FBLN1: variants seen among roughly 807,000 people sequenced by gnomAD.
FBLN1 encodes fibulin 1.
In FBLN1, 34 loss-of-function variants were observed where a neutral mutation model predicts 89.7. The observed-to-expected ratio is 0.38, with a 90% CI of 0.29 to 0.50. The LOEUF (loss-of-function observed/expected upper bound fraction) is 0.50, where lower values mean the gene tolerates loss of function less well. Among genes scored for constraint, FBLN1 ranks in the 20% least tolerant of loss-of-function variants. FBLN1 has a pLI of 0.92. For missense variants in FBLN1, 777 were observed against 988.1 expected (o/e 0.79, Z 2.86); for synonymous variants, 393 against 391.3 (o/e 1.00, Z -0.05).
intron 14 of FBLN1, among the ~76,000 whole-genome samples, chr22:45,555,292 A>ATATATAT (rs1569254431): frequency 4.4e-4 from 62 of 141,774 alleles, no homozygotes; most frequent in African/African-American, 1.6e-3. Context: ...TATATATATA[A>ATATATAT]AATGGAATAT....
intron 4 of FBLN1, among the ~76,000 whole-genome samples, chr22:45,529,606 C>T: frequency 6.6e-6 from 1 of 152,226 alleles, no homozygotes; most frequent in East Asian, 1.9e-4. Context: ...TGGCTCACGC[C>T]TGTAATCCCA....
intron 10 of FBLN1, 97 bp from the exon 11 acceptor site, chr22:45,543,304 T>G (rs1602193074): frequency 1.4e-6 from 2 of 1,438,686 alleles, no homozygotes; most frequent in South Asian, 1.2e-5. Context: ...CTGGAGGAGG[T>G]GGAGGACAAA....
intron 16 of FBLN1, among the ~76,000 whole-genome samples, chr22:45,592,171 C>T (rs1473275641): frequency 6.6e-6 from 1 of 152,138 alleles, no homozygotes; most frequent in African/African-American, 2.4e-5. Flanking sequence ...GGAGGGCGAC[C>T]GTGTCTCATC....
chr22:45,548,078 C>T (rs1488008267), intron 12 of FBLN1, among the ~76,000 whole-genome samples: 2 of 152,120 alleles, frequency 1.3e-5, no homozygotes, highest in East Asian at 3.9e-4. Context: ...GAGACAGAGA[C>T]AGCTCTGTCA....
chr22:45,529,527 T>C (rs1251339335), intron 4 of FBLN1, among the ~76,000 whole-genome samples: 1 of 152,156 alleles, frequency 6.6e-6, no homozygotes, highest in Non-Finnish European at 1.5e-5. Flanking sequence ...GTTTTCGGCC[T>C]GTTCCCTCCT....
Position 45,556,060 on chromosome 22 carries a change from A to AT in FBLN1, c.1697+5449dup, listed in dbSNP as rs1419819330. Reference sequence around the variant, plus strand: ...GCCGAGGCTGAAGTGTGGTGGTGTGATTTTGTCTCACCGCAACCTCCACGT... The same window carrying AT: ...GCCGAGGCTGAAGTGTGGTGGTGTGATTTTTGTCTCACCGCAACCTCCACGT... On this transcript the variant is annotated intron_variant, in intron 14 of 16. Coordinates refer to ENST00000327858, the MANE Select transcript of FBLN1 (RefSeq NM_006486.3). The surrounding 1 kb of genome is among the most constrained non-coding windows in gnomAD (Gnocchi z 4.6). Among the ~76,000 whole-genome samples the AT allele has an allele frequency of 6.6e-6, 1 of 152,078 alleles. No homozygotes were observed. The highest frequency in any genetic ancestry group is 2.4e-5 in the African/African-American group (1 of 41,388).
rs2089104609 is a variant in FBLN1 at position 45,588,166 on chromosome 22, C to G, written c.1972+11058C>G. 6.6e-6 allele frequency among the ~76,000 whole-genome samples: 1 copy of G among 152,190 alleles called. No individual in the cohort carries two copies. Among genetic ancestry groups the G allele is most frequent in the African/African-American group, 2.4e-5 (1 of 41,530 alleles). On this transcript the variant is annotated intron_variant, in intron 16 of 16. Transcript: ENST00000327858. This position sits in a 1 kb window ranked among gnomAD's most constrained non-coding sequence, Gnocchi z 5.1. ...GGAGGCGGGGTGCAGCATGGCGGTA[C>G]AGCTTTAAATCTGGTGGTCAGTGAC... is the stretch of plus-strand genomic sequence containing the variant.
chr22:45,541,114 T>C, intron 8 of FBLN1, 115 bp from the exon 9 acceptor site: 1 of 1,368,302 alleles, frequency 7.3e-7, no homozygotes. Context: ...GTTGAGCCCC[T>C]CCATTTGTGG....
intron 16 of FBLN1, among the ~76,000 whole-genome samples, chr22:45,586,238 C>T (rs550434741): frequency 5.6e-4 from 85 of 152,318 alleles, no homozygotes; most frequent in African/African-American, 8.4e-4. Flanking sequence ...ACTGCACACC[C>T]GAGATTGGTT....
In FBLN1 at chr22:45,577,113, G is replaced by C. The variant is rs752200599; in HGVS notation, c.1972+5G>C. ...ACATGGACGGCATGACCGTGGGTGA[G>C]TGGCTGGGAATATCAGCTCTATCCA... On this transcript the variant is annotated splice_donor_5th_base_variant and intron_variant, in intron 16 of 16. Transcript: ENST00000327858. The surrounding 1 kb of genome is among the most constrained non-coding windows in gnomAD (Gnocchi z 6.6). 7 of 1,613,954 alleles carry C rather than the reference G, an allele frequency of 4.3e-6. No individual in the cohort carries two copies. The highest frequency in any genetic ancestry group is 5.9e-6 in the Non-Finnish European group (7 of 1,180,022).
Position 45,548,733 on chromosome 22 carries a change from G to A in FBLN1, c.1562G>A (p.Arg521His), listed in dbSNP as rs865892045. The A allele has an allele frequency of 6.2e-6, 10 of 1,613,178 alleles. No homozygotes were observed. Among genetic ancestry groups the A allele is most frequent in the African/African-American group, 1.3e-5 (1 of 75,056 alleles). Reference protein sequence around the residue: ...SSGYRLAPNGRNCQDIDECVT... With the variant: ...SSGYRLAPNGHNCQDIDECVT... The stretch of plus-strand genomic sequence containing the variant: ...GGCTACAGGCTGGCCCCCAATGGCC[G>A]CAACTGCCAAGGTGAGCAGGAGGGA... The change falls in exon 13 of 17, where the codon CGC becomes CAC. Residue 521 changes from arginine to histidine, a missense_variant. Coordinates refer to ENST00000327858, the MANE Select transcript of FBLN1 (RefSeq NM_006486.3).
At chr22:45,570,862 C>T (rs1467710791) in intron 14 of FBLN1, among the ~76,000 whole-genome samples, 2 of 152,052 alleles carry the variant, frequency 1.3e-5, no homozygotes, top group East Asian at 3.8e-4. Context: ...GGTGTGGTGG[C>T]TCATACCTGT....
rs565708768 is a variant in FBLN1 at position 45,574,883 on chromosome 22, G to A, written c.1840+230G>A. On this transcript the variant is annotated intron_variant, in intron 15 of 16. Coordinates refer to ENST00000327858, the MANE Select transcript of FBLN1 (RefSeq NM_006486.3). The surrounding 1 kb of genome is among the most constrained non-coding windows in gnomAD (Gnocchi z 4.1). ...TGCAAGCTCCACCTCCCGGGTTCAC[G>A]CCATTCTCCTGCCTCAGCCTTCCGA... Among the ~76,000 whole-genome samples, 7 of 147,546 alleles carry A rather than the reference G, an allele frequency of 4.7e-5. No homozygotes were observed. The highest frequency in any genetic ancestry group is 4.3e-4 in the South Asian group (2 of 4,598).
At position 45,531,508 on chromosome 22, in the gene FBLN1, G is replaced by A. The variant is rs1404846451; in HGVS notation, c.544+184G>A. Among the ~76,000 whole-genome samples, 5 of 152,074 alleles carry A rather than the reference G, an allele frequency of 3.3e-5. No homozygotes were observed. The East Asian group carries it at 9.6e-4, about 29-fold the overall frequency. ...GCACTCTAGCCTGGGCAACAGAGCT[G>A]GACCCCGTCTCAAAAACAAAAAAAC... On this transcript the variant is annotated intron_variant, in intron 5 of 16. Coordinates refer to ENST00000327858, the MANE Select transcript of FBLN1 (RefSeq NM_006486.3). This position sits in a 1 kb window ranked among gnomAD's most constrained non-coding sequence, Gnocchi z 4.9.
Position 45,574,552 on chromosome 22 carries a change from C to T in FBLN1, c.1739C>T (p.Ser580Phe). 1 of 1,614,204 alleles carries T rather than the reference C, an allele frequency of 6.2e-7. No homozygotes were observed. The highest frequency in any genetic ancestry group is 1.3e-5 in the African/African-American group (1 of 75,064). Residue 580 changes from serine (S) to phenylalanine (F), a missense_variant, in exon 15 of 17, where the codon TCC becomes TTC. Coordinates refer to ENST00000327858, the MANE Select transcript of FBLN1 (RefSeq NM_006486.3). This position sits in a 1 kb window ranked among gnomAD's most constrained non-coding sequence, Gnocchi z 4.1. ...EKTDTVRCIK[S>F]CRPNDVTCVF... is the part of the protein sequence containing the mutation. ...ACAGACACGGTCCGCTGCATCAAGT[C>T]CTGCCGCCCCAACGATGTCACATGC...
At chr22:45,568,898 G>T (rs1311849367) in intron 14 of FBLN1, among the ~76,000 whole-genome samples, 1 of 152,244 alleles carries the variant, frequency 6.6e-6, no homozygotes, top group East Asian at 1.9e-4. Context: ...CTGGTGGTTT[G>T]TTGGTGATCA....
At chr22:45,513,307 CT>C (rs34166807) in intron 1 of FBLN1, among the ~76,000 whole-genome samples, 29,854 of 140,850 alleles carry the variant, frequency 0.21, 2,854 homozygotes, top group Middle Eastern at 0.28. Flanking sequence ...TAACCATTTC[CT>C]TTTTTTTTTT....
rs1569263593 is a variant in FBLN1, at chr22:45,577,015, G to A, written c.1879G>A (p.Ala627Thr). ...CCGGGCCATCACGCCACCGCATCCT[G>A]CCAGCCAGGCTAACATCATCTTCGA... The part of the protein sequence containing the change: ...FLRAITPPHP[A>T]SQANIIFDIT... Residue 627 changes from alanine to threonine, a missense_variant, in exon 16 of 17, where the codon GCC (alanine) becomes ACC (threonine). Ala to Thr is a moderately conservative substitution (Grantham distance 58). Coordinates refer to ENST00000327858, the MANE Select transcript of FBLN1 (RefSeq NM_006486.3). This position sits in a 1 kb window ranked among gnomAD's most constrained non-coding sequence, Gnocchi z 6.6. 1 of 1,614,116 alleles carries A rather than the reference G, an allele frequency of 6.2e-7. No individual in the cohort carries two copies.
In FBLN1 at chr22:45,590,595, T is replaced by C. The variant is rs1601543571; in HGVS notation, c.1973-9712T>C. 6.6e-6 allele frequency among the ~76,000 whole-genome samples: 1 copy of C among 150,830 alleles called. No individual in the cohort carries two copies. Among genetic ancestry groups the C allele is most frequent in the South Asian group, 2.1e-4 (1 of 4,716 alleles). ...ACAGTGGGAAGAGGCATGGGAGGGG[T>C]GAAAAGGAAGGTGGTACACGTGTTC... is the stretch of plus-strand genomic sequence containing the variant. On this transcript the variant is annotated intron_variant, in intron 16 of 16. Transcript: ENST00000327858. The surrounding 1 kb of genome is among the most constrained non-coding windows in gnomAD (Gnocchi z 4.1).
Sources: gnomAD v4.1 joint callset for allele counts (sites outside exome capture counted in the v4.1 genomes callset) on GRCh38, gnomAD v4.1.1 for gene constraint, Gnocchi (gnomAD v3.1) non-coding constraint, MANE v1.5 for transcripts, NCBI Gene and HGNC (gene_info 2026-07-23, HGNC 2026-07-21) for gene names.